Variants in MAP1A observed in about 807,000 individuals in gnomAD.
MAP1A encodes microtubule associated protein 1A.
A neutral mutation model predicts 185.9 loss-of-function variants in MAP1A; 42 were observed. The ratio of observed to expected loss-of-function variants is 0.23; its 90% confidence interval spans 0.18 to 0.29. The LOEUF (loss-of-function observed/expected upper bound fraction) is 0.29, where lower values mean the gene tolerates loss of function less well. Among genes scored for constraint, MAP1A ranks in the 10% least tolerant of loss-of-function variants. MAP1A has a pLI of 1.00. For synonymous variants in MAP1A, 1,229 were observed against 1,335.9 expected (o/e 0.92, Z 1.74); for missense variants, 2,995 against 3,450.4 (o/e 0.87, Z 3.31).
upstream of MAP1A, among the ~76,000 whole-genome samples, chr15:43,514,674 G>GCC (rs1159677160): frequency 6.6e-6 from 1 of 152,138 alleles, no homozygotes; most frequent in Non-Finnish European, 1.5e-5. Context: ...AGAGTCAGTG[G>GCC]CCCAGCTCCT....
chr15:43,526,757 T>G lies in MAP1A; in HGVS notation c.5284T>G (p.Ser1762Ala), dbSNP rs758629363. Residue 1762 changes from serine to alanine, a missense_variant, in exon 4 of 6, where the codon TCA becomes GCA. Ser to Ala is a moderately conservative substitution (Grantham distance 99). This residue lies in a region of MAP1A where 2,728 missense variants were observed against 2,986.0 expected (regional missense o/e 0.91). Coordinates refer to ENST00000300231, the MANE Select transcript of MAP1A (RefSeq NM_002373.6). The surrounding 1 kb of genome is among the most constrained non-coding windows in gnomAD (Gnocchi z 4.7). ...ASDFKDFQES[S>A]PQKGLEVERW... ...AGACTTCAAGGATTTCCAGGAATCCTCACCACAGAAGGGGCTAGAGGTGGA... is the reference window on the plus strand; with the variant it reads ...AGACTTCAAGGATTTCCAGGAATCCGCACCACAGAAGGGGCTAGAGGTGGA... 2 of 1,614,092 alleles carry G rather than the reference T, an allele frequency of 1.2e-6. No individual in the cohort carries two copies. The highest frequency in any genetic ancestry group is 3.3e-5 in the Admixed American group (2 of 60,022).
chr15:43,530,358 G>T lies in MAP1A; in HGVS notation c.*134G>T. 8.5e-7 allele frequency: 1 copy of T among 1,181,004 alleles called. No individual in the cohort carries two copies. Among genetic ancestry groups the T allele is most frequent in the South Asian group, 1.5e-5 (1 of 65,232 alleles). 73.2% of individuals were successfully genotyped at this position (1,181,004 alleles called of 1,614,324 possible). ...GAGATGTCTTGTTGTGGGGACTTGG[G>T]CTGGGCTAAATGGGAGGGGTTGTCC... On this transcript the variant is annotated 3_prime_UTR_variant, in exon 6 of 6. Transcript: ENST00000300231.
In MAP1A at chr15:43,523,861, T is replaced by TA; in HGVS notation, c.2389dup (p.Thr797AsnfsTer12). 1.2e-6 allele frequency: 2 copies of TA among 1,614,194 alleles called. No homozygotes were observed. Among genetic ancestry groups the TA allele is most frequent in the Non-Finnish European group, 1.7e-6 (2 of 1,180,026 alleles). ...AACCTGCCGATAGTGCTGTTCCTGC[T>TA]ACCTCTGGCAAAGTCTATGGAACGC... On this transcript the variant is annotated frameshift_variant, in exon 4 of 6. Coordinates refer to ENST00000300231, the MANE Select transcript of MAP1A (RefSeq NM_002373.6). LOFTEE classifies it high-confidence loss of function.
upstream of MAP1A, among the ~76,000 whole-genome samples, chr15:43,513,987 A>G (rs185026330): frequency 6.6e-6 from 1 of 152,388 alleles, no homozygotes; most frequent in African/African-American, 2.4e-5. Context: ...GCTTTCTGGA[A>G]TAATGTAAGA....
Position 43,522,809 on chromosome 15 carries a change from G to T in MAP1A, c.1336G>T (p.Glu446Ter). ...RKEEKKDAKKEEKRKDTKPEL... is the reference protein window; with the variant it reads ...RKEEKKDAKK ...GGAGGAGAAGAAGGATGCCAAGAAG[G>T]AGGAGAAGAGGAAAGATACCAAACC... is the stretch of plus-strand genomic sequence containing the variant. The change falls in exon 4 of 6, where the codon GAG (glutamate) becomes TAG (stop). Residue 446 changes from glutamate (E) to a stop codon, truncating the protein, a stop_gained. Transcript: ENST00000300231. LOFTEE classifies it high-confidence loss of function. The surrounding 1 kb of genome is among the most constrained non-coding windows in gnomAD (Gnocchi z 5.9). The T allele has an allele frequency of 6.3e-7, 1 of 1,581,180 alleles. No homozygotes were observed.
chr15:43,514,314 G>A (rs2079291230), upstream of MAP1A, among the ~76,000 whole-genome samples: 1 of 152,196 alleles, frequency 6.6e-6, no homozygotes, highest in Admixed American at 6.5e-5. Flanking sequence ...CACAGCTCAA[G>A]ACAGCCACAG....
chr15:43,529,179 G>GC lies in MAP1A; in HGVS notation c.7709dup (p.Ser2571IlefsTer6). 9.5e-6 allele frequency: 8 copies of GC among 841,910 alleles called. No individual in the cohort carries two copies. The highest frequency in any genetic ancestry group is 1.3e-5 in the Non-Finnish European group (7 of 533,330). The allele number at this position is 841,910 out of a possible 1,614,324, so 52.2% of individuals were successfully genotyped here. A position where few individuals can be genotyped will look rare whatever the true frequency, so the allele number is the denominator to read the frequency against. On this transcript the variant is annotated frameshift_variant, in exon 4 of 6. Coordinates refer to ENST00000300231, the MANE Select transcript of MAP1A (RefSeq NM_002373.6). LOFTEE classifies it high-confidence loss of function. This position sits in a 1 kb window ranked among gnomAD's most constrained non-coding sequence, Gnocchi z 4.3. The stretch of plus-strand genomic sequence containing the variant: ...CCTCCTCTCCCACAGCCAGACCCCC[G>GC]CCCATCCCCTCCCCGCCCTGATGTG...
chr15:43,511,968 C>T (rs751039278), intron 1 of MAP1A, among the ~76,000 whole-genome samples: 9 of 152,186 alleles, frequency 5.9e-5, no homozygotes, highest in Non-Finnish European at 1.3e-4. Context: ...TAAACTCTGT[C>T]CTTCTCCCTC....
chr15:43,521,231 C>G lies in MAP1A; in HGVS notation c.-150-93C>G. ...GCCCTGGCAGAAAGGTAAGAGTCCA[C>G]CTTGGAAAGAGGTGAAGATTAGGGT... On this transcript the variant is annotated intron_variant, in intron 3 of 5. Coordinates refer to ENST00000300231, the MANE Select transcript of MAP1A (RefSeq NM_002373.6). The surrounding 1 kb of genome is among the most constrained non-coding windows in gnomAD (Gnocchi z 4.6). 2.0e-6 allele frequency: 3 copies of G among 1,478,044 alleles called. 1 individual carries two copies. The South Asian group carries it at 4.1e-5, about 20-fold the overall frequency. 91.6% of individuals were successfully genotyped at this position (1,478,044 alleles called of 1,614,324 possible). A position where few individuals can be genotyped will look rare whatever the true frequency, so the allele number is the denominator to read the frequency against.
chr15:43,521,901 T>C lies in MAP1A; in HGVS notation c.428T>C (p.Leu143Pro). ...GVVFFNVPEKLRLPDASRKAK... is the reference protein window; with the variant it reads ...GVVFFNVPEKPRLPDASRKAK... ...GTCTTTTTCAACGTGCCTGAGAAGC[T>C]GCGGCTTCCTGATGCCTCCCGGAAA... Residue 143 changes from leucine (L) to proline (P), a missense_variant, in exon 4 of 6, where the codon CTG (leucine) becomes CCG (proline). This residue lies in a region of MAP1A where 264 missense variants were observed against 435.3 expected (regional missense o/e 0.61). Transcript: ENST00000300231. This position sits in a 1 kb window ranked among gnomAD's most constrained non-coding sequence, Gnocchi z 4.6. The C allele has an allele frequency of 6.2e-7, 1 of 1,614,184 alleles. No homozygotes were observed. Among genetic ancestry groups the C allele is most frequent in the Non-Finnish European group, 8.5e-7 (1 of 1,180,018 alleles).
At chr15:43,515,511 G>A (rs560140273), upstream of MAP1A, among the ~76,000 whole-genome samples, 1 of 152,190 alleles carries the variant, frequency 6.6e-6, no homozygotes, top group Non-Finnish European at 1.5e-5. Context: ...CCTGATTTAT[G>A]ATTTCCTTGA....
chr15:43,522,558 A>C lies in MAP1A; in HGVS notation c.1085A>C (p.Lys362Thr), dbSNP rs745762517. Residue 362 changes from lysine (K) to threonine (T), a missense_variant, in exon 4 of 6, where the codon AAG becomes ACG. Lys to Thr is a moderately conservative substitution (Grantham distance 78, BLOSUM62 -1). This residue lies in a region of MAP1A where 2,728 missense variants were observed against 2,986.0 expected (regional missense o/e 0.91). Coordinates refer to ENST00000300231, the MANE Select transcript of MAP1A (RefSeq NM_002373.6). The surrounding 1 kb of genome is among the most constrained non-coding windows in gnomAD (Gnocchi z 5.9). ...AAGGAGTTAGCCAAGACAGAGAAGAAGGCAAAAGAGTCATCTGAGAAGCCC... is the reference window on the plus strand; with the variant it reads ...AAGGAGTTAGCCAAGACAGAGAAGACGGCAAAAGAGTCATCTGAGAAGCCC... The part of the protein sequence containing the change: ...LAKELAKTEK[K>T]AKESSEKPPE... 1 of 1,611,456 alleles carries C rather than the reference A, an allele frequency of 6.2e-7. No individual in the cohort carries two copies. The highest frequency in any genetic ancestry group is 8.5e-7 in the Non-Finnish European group (1 of 1,178,574).
In MAP1A at chr15:43,521,050, C is replaced by G; in HGVS notation, c.-213C>G. 6.5e-7 allele frequency: 1 copy of G among 1,550,330 alleles called. No homozygotes were observed. The highest frequency in any genetic ancestry group is 1.2e-5 in the South Asian group (1 of 84,050). ...GCAAAGTTTAGAGCCTGGGGGAGAC[C>G]TCATCCTACAGAGTGGCACCTACTC... On this transcript the variant is annotated 5_prime_UTR_variant, in exon 3 of 6. Coordinates refer to ENST00000300231, the MANE Select transcript of MAP1A (RefSeq NM_002373.6). This position sits in a 1 kb window ranked among gnomAD's most constrained non-coding sequence, Gnocchi z 4.6.
chr15:43,512,216 T>A lies in MAP1A; in HGVS notation c.265T>A (p.Ser89Thr), dbSNP rs764764778. ...GATTCTCTCCTGGAACATTGACCTG[T>A]CATCCTTTGACTTGAACCAACAGTT... Residue 89 changes from serine (S) to threonine (T), a missense_variant, in exon 2 of 7, where the codon TCA (serine) becomes ACA (threonine). Physicochemically the swap from Ser to Thr is moderately conservative, Grantham distance 58. Transcript: ENST00000382031. The A allele has an allele frequency of 7.7e-6, 12 of 1,549,292 alleles. No individual in the cohort carries two copies. In the South Asian group the frequency reaches 1.4e-4, roughly 18 times the overall value.
rs1174191887 is a variant in MAP1A at position 43,531,541 on chromosome 15, T to C, written c.*1317T>C. The C allele has an allele frequency of 6.5e-6, 1 of 152,812 alleles. No homozygotes were observed. Among genetic ancestry groups the C allele is most frequent in the East Asian group, 1.9e-4 (1 of 5,204 alleles). 9.5% of individuals were successfully genotyped at this position (152,812 alleles called of 1,614,324 possible). A position where few individuals can be genotyped will look rare whatever the true frequency, so the allele number is the denominator to read the frequency against. ...TGCTGTGTTCTGCTCCTCCCCACGC[T>C]TCCCTGCTATAGTTCCCAGCTGCTG... is the stretch of plus-strand genomic sequence containing the variant. On this transcript the variant is annotated 3_prime_UTR_variant, in exon 6 of 6. Transcript: ENST00000300231.
At position 43,526,492 on chromosome 15, in the gene MAP1A, C is replaced by T; in HGVS notation, c.5019C>T (p.Asp1673=). 1 of 1,614,066 alleles carries T rather than the reference C, an allele frequency of 6.2e-7. No homozygotes were observed. Among genetic ancestry groups the T allele is most frequent in the Non-Finnish European group, 8.5e-7 (1 of 1,180,018 alleles). The part of the protein sequence containing the change: ...EQKELAPAWE[D]TSPEQDNRYW... ...AAGAGCTTGCCCCGGCATGGGAGGA[C>T]ACATCTCCTGAGCAGGACAATAGGT... Residue 1673 remains aspartate (D), a synonymous_variant, in exon 4 of 6, where the codon GAC becomes GAT. Coordinates refer to ENST00000300231, the MANE Select transcript of MAP1A (RefSeq NM_002373.6). The surrounding 1 kb of genome is among the most constrained non-coding windows in gnomAD (Gnocchi z 4.7).
Position 43,527,305 on chromosome 15 carries a change from G to A in MAP1A, c.5832G>A (p.Thr1944=), listed in dbSNP as rs376695631. The A allele has an allele frequency of 9.9e-6, 16 of 1,614,172 alleles. No homozygotes were observed. The highest frequency in any genetic ancestry group is 4.5e-5 in the East Asian group (2 of 44,890). ...AGGCCAGCAAAAGCCATGCCACCAC[G>A]GAGCCTGAGCAGACTGAGCCGGAGC... is the stretch of plus-strand genomic sequence containing the variant. ...VPEASKSHAT[T]EPEQTEPEQR... is the part of the protein sequence containing the mutation. Residue 1944 remains threonine, a synonymous_variant, in exon 4 of 6, where the codon ACG becomes ACA. Coordinates refer to ENST00000300231, the MANE Select transcript of MAP1A (RefSeq NM_002373.6).
At position 43,529,613 on chromosome 15, in the gene MAP1A, C is replaced by G; in HGVS notation, c.8036-37C>G. On this transcript the variant is annotated intron_variant, in intron 4 of 5. Coordinates refer to ENST00000300231, the MANE Select transcript of MAP1A (RefSeq NM_002373.6). The surrounding 1 kb of genome is among the most constrained non-coding windows in gnomAD (Gnocchi z 4.3). ...GGGGAAGGTTGCCAAAAGGGTTCTA[C>G]TTTTCCTCTACAATGAATCCTGGCT... is the stretch of plus-strand genomic sequence containing the variant. 2 of 1,611,382 alleles carry G rather than the reference C, an allele frequency of 1.2e-6. No homozygotes were observed. The highest frequency in any genetic ancestry group is 1.7e-6 in the Non-Finnish European group (2 of 1,177,630).
rs1340057555 is a variant in MAP1A, at chr15:43,527,853, C to G, written c.6380C>G (p.Pro2127Arg). ...GAAAAAGAGGCCCAATCCCCAAGTCCTCCTCACCCCATTCCTATGGGGTCC... is the reference window on the plus strand; with the variant it reads ...GAAAAAGAGGCCCAATCCCCAAGTCGTCCTCACCCCATTCCTATGGGGTCC... ...QPEKEAQSPSPPHPIPMGSPT... is the reference protein window; with the variant it reads ...QPEKEAQSPSRPHPIPMGSPT... Residue 2127 changes from proline to arginine, a missense_variant, in exon 4 of 6, where the codon CCT (proline) becomes CGT (arginine). Physicochemically the swap from Pro to Arg is moderately radical, Grantham distance 103. This residue lies in a region of MAP1A where 2,728 missense variants were observed against 2,986.0 expected (regional missense o/e 0.91). Coordinates refer to ENST00000300231, the MANE Select transcript of MAP1A (RefSeq NM_002373.6). 2 of 1,614,084 alleles carry G rather than the reference C, an allele frequency of 1.2e-6. No individual in the cohort carries two copies. The highest frequency in any genetic ancestry group is 4.5e-5 in the East Asian group (2 of 44,878).
Sources: allele counts gnomAD v4.1 joint callset (sites outside exome capture counted in the v4.1 genomes callset), GRCh38; gene constraint gnomAD v4.1.1; regional missense constraint gnomAD v4.1.1; non-coding constraint Gnocchi (gnomAD v3.1); transcripts MANE v1.5; gene names NCBI Gene and HGNC (gene_info 2026-07-23, HGNC 2026-07-21).